ATP6V0A2: variants seen among roughly 807,000 people sequenced by gnomAD.
ATP6V0A2 encodes ATPase H+ transporting V0 subunit a2, also known as V-type proton ATPase 116 kDa subunit a 2.
In ATP6V0A2, 58 loss-of-function variants were observed where a neutral mutation model predicts 104.4. The ratio of observed to expected loss-of-function variants is 0.56; its 90% CI spans 0.45 to 0.69. ATP6V0A2 has a LOEUF of 0.69. ATP6V0A2 is among the 30% of genes least tolerant of loss of function. The pLI is 0.00. For synonymous variants in ATP6V0A2, 376 were observed against 397.9 expected (o/e 0.95, Z 0.65); for missense variants, 938 against 1,062.9 (o/e 0.88, Z 1.63).
chr12:123,740,540 G>C (rs1490145203), intron 9 of ATP6V0A2, among the ~76,000 whole-genome samples: 1 of 152,170 alleles, frequency 6.6e-6, no homozygotes, highest in Non-Finnish European at 1.5e-5. Context: ...TGGTCTTTCT[G>C]TATGTTCTTT....
At chr12:123,748,943 C>T (rs1013572222) in intron 15 of ATP6V0A2, among the ~76,000 whole-genome samples, 158 bp downstream of exon 15, 6 of 152,264 alleles carry the variant, frequency 3.9e-5, no homozygotes, top group South Asian at 4.1e-4. Context: ...CCAGCTTGAC[C>T]GCTGTGTGCA....
chr12:123,760,460 G>T lies in ATP6V0A2; in HGVS notation c.*2428G>T, dbSNP rs1417903823. The T allele has an allele frequency of 6.6e-6, 1 of 152,186 alleles. No homozygotes were observed. Among genetic ancestry groups the T allele is most frequent in the African/African-American group, 2.4e-5 (1 of 41,452 alleles). 9.4% of individuals were successfully genotyped at this position (152,186 alleles called of 1,614,324 possible). A position where few individuals can be genotyped will look rare whatever the true frequency, so the allele number is the denominator to read the frequency against. ...CCAGAGTTATCGCTCAGTTTTGTTT[G>T]TTAAGGCTTTTGCTAGAACCTATTA... On this transcript the variant is annotated 3_prime_UTR_variant, in exon 20 of 20. Transcript: ENST00000330342.
intron 14 of ATP6V0A2, among the ~76,000 whole-genome samples, chr12:123,747,942 C>T (rs1471567679): frequency 6.6e-6 from 1 of 152,104 alleles, no homozygotes; most frequent in Non-Finnish European, 1.5e-5. Context: ...AAGTGCTGTT[C>T]TAGGCACTAG....
At chr12:123,750,849 T>G in intron 15 of ATP6V0A2, 1 of 479,000 alleles carries the variant, frequency 2.1e-6, no homozygotes, top group Non-Finnish European at 3.8e-6. Flanking sequence ...TTGACTCTCT[T>G]TAGAATTTTT....
At chr12:123,714,059 T>C (rs767620014) in intron 1 of ATP6V0A2, among the ~76,000 whole-genome samples, 2 of 152,178 alleles carry the variant, frequency 1.3e-5, no homozygotes, top group Admixed American at 6.5e-5. Context: ...ACCCAAAACA[T>C]TCAGGCAACA....
rs1956803446 is a variant in ATP6V0A2, at chr12:123,760,561, G to A, written c.*2529G>A. ...AGCACAGATGGCAAGTTGTGTGGAT[G>A]ATACTGAATATGTTTATTTTCCTAA... is the stretch of plus-strand genomic sequence containing the variant. On this transcript the variant is annotated 3_prime_UTR_variant, in exon 20 of 20. Coordinates refer to ENST00000330342, the MANE Select transcript of ATP6V0A2 (RefSeq NM_012463.4). The A allele has an allele frequency of 6.6e-6, 1 of 152,000 alleles. No homozygotes were observed. The highest frequency in any genetic ancestry group is 6.5e-5 in the Admixed American group (1 of 15,274). The allele number at this position is 152,000 out of a possible 1,614,324, so 9.4% of individuals were successfully genotyped here.
intron 17 of ATP6V0A2, among the ~76,000 whole-genome samples, chr12:123,753,815 A>G (rs1566292878): frequency 6.6e-6 from 1 of 152,256 alleles, no homozygotes. Context: ...AATGTCTTAT[A>G]ATCAACATTT....
chr12:123,748,639 A>G lies in ATP6V0A2; in HGVS notation c.1789A>G (p.Ile597Val), dbSNP rs757775762. Residue 597 changes from isoleucine to valine, a missense_variant, in exon 15 of 20, where the codon ATC becomes GTC. By Grantham distance (29) the Ile-to-Val change is conservative (BLOSUM62 3). Coordinates refer to ENST00000330342, the MANE Select transcript of ATP6V0A2 (RefSeq NM_012463.4). ...SIPELLFMLC[I>V]FGYLIFMIFY... is the part of the protein sequence containing the mutation. ...CCCGGAACTTCTCTTCATGCTCTGT[A>G]TCTTTGGATACCTTATATTTATGAT... 23 of 1,613,974 alleles carry G rather than the reference A, an allele frequency of 1.4e-5. No individual in the cohort carries two copies. Among genetic ancestry groups the G allele is most frequent in the Non-Finnish European group, 1.8e-5 (21 of 1,179,988 alleles).
chr12:123,752,002 G>A (rs1477613654), intron 16 of ATP6V0A2, among the ~76,000 whole-genome samples: 1 of 151,740 alleles, frequency 6.6e-6, no homozygotes, highest in African/African-American at 2.4e-5. Flanking sequence ...GGGACTACAG[G>A]CGCCCGCCAC....
intron 6 of ATP6V0A2, chr12:123,733,679 A>T (rs1956525212): frequency 2.0e-6 from 1 of 512,444 alleles, no homozygotes; most frequent in Admixed American, 3.3e-5. Flanking sequence ...GTTGGACTTT[A>T]CCTGGGAACG....
chr12:123,740,924 A>G (rs1322685875), intron 9 of ATP6V0A2, among the ~76,000 whole-genome samples: 2 of 149,838 alleles, frequency 1.3e-5, no homozygotes, highest in Non-Finnish European at 3.0e-5. Flanking sequence ...TTAAAATCTG[A>G]TTCCTGGTGC....
chr12:123,735,065 CGAGTGGCT>C (rs1054870476), intron 7 of ATP6V0A2, among the ~76,000 whole-genome samples: 1 of 151,956 alleles, frequency 6.6e-6, no homozygotes, highest in Non-Finnish European at 1.5e-5. Context: ...GTCTGGGTGC[CGAGTGGCT>C]GAGTGGCCCT....
At chr12:123,754,297 T>C (rs968744889) in intron 17 of ATP6V0A2, 123 bp from the exon 18 acceptor site, 7 of 784,238 alleles carry the variant, frequency 8.9e-6, no homozygotes, top group Non-Finnish European at 1.6e-5. Flanking sequence ...CACTCTAGCG[T>C]GTTCTTACCA....
At chr12:123,729,458 T>TA (rs1956480185) in intron 6 of ATP6V0A2, among the ~76,000 whole-genome samples, 1 of 151,308 alleles carries the variant, frequency 6.6e-6, no homozygotes, top group African/African-American at 2.4e-5. Flanking sequence ...CACATGCACA[T>TA]ATACATTTAC....
rs968755622 is a variant in ATP6V0A2 at position 123,759,613 on chromosome 12, G to A, written c.*1581G>A. On this transcript the variant is annotated 3_prime_UTR_variant, in exon 20 of 20. Transcript: ENST00000330342. ...CTTCTTGACATTGTGAGTGATACACGTTAAAAGGCTATTTGCCCGCATCCT... is the reference window on the plus strand; with the variant it reads ...CTTCTTGACATTGTGAGTGATACACATTAAAAGGCTATTTGCCCGCATCCT... 2 of 152,194 alleles carry A rather than the reference G, an allele frequency of 1.3e-5. No homozygotes were observed. The highest frequency in any genetic ancestry group is 2.4e-5 in the African/African-American group (1 of 41,532). The allele number at this position is 152,194 out of a possible 1,614,324, so 9.4% of individuals were successfully genotyped here. A position where few individuals can be genotyped will look rare whatever the true frequency, so the allele number is the denominator to read the frequency against.
chr12:123,718,497 G>A, intron 1 of ATP6V0A2, 126 bp from the exon 2 acceptor site: 1 of 674,608 alleles, frequency 1.5e-6, no homozygotes, highest in Non-Finnish European at 2.5e-6. Context: ...AGTTGTGTCA[G>A]TTTATAGTTT....
At chr12:123,746,576 T>G (rs1956664268) in intron 13 of ATP6V0A2, among the ~76,000 whole-genome samples, 1 of 142,490 alleles carries the variant, frequency 7.0e-6, no homozygotes, top group Non-Finnish European at 1.5e-5. Context: ...AGGTCAAGGC[T>G]GCAGTGAGCC....
At chr12:123,739,267 T>G (rs1402929584) in intron 9 of ATP6V0A2, among the ~76,000 whole-genome samples, 1 of 152,192 alleles carries the variant, frequency 6.6e-6, no homozygotes, top group African/African-American at 2.4e-5. Context: ...CCGTCAAGGG[T>G]ACTGAGCTCT....
Position 123,717,314 on chromosome 12 carries a change from C to CA in ATP6V0A2, c.118-1287dup, listed in dbSNP as rs538974425. On this transcript the variant is annotated intron_variant, in intron 1 of 19. Transcript: ENST00000330342. ...TGGGCAACAGAGCGAAACTCTGTCTCAAAAAAAAAAAAAAAAAAAAAAGAG... is the reference window on the plus strand; with the variant it reads ...TGGGCAACAGAGCGAAACTCTGTCTCAAAAAAAAAAAAAAAAAAAAAAAGAG... 2.8e-3 allele frequency among the ~76,000 whole-genome samples: 298 copies of CA among 106,738 alleles called. 6 individuals are homozygous for CA. The highest frequency in any genetic ancestry group is 9.4e-3 in the Middle Eastern group (2 of 212). 70.0% of individuals were successfully genotyped at this position (106,738 alleles called of 152,430 possible).
Sources: allele counts gnomAD v4.1 joint callset (sites outside exome capture counted in the v4.1 genomes callset), GRCh38; gene constraint gnomAD v4.1.1; transcripts MANE v1.5; gene names NCBI Gene and HGNC (gene_info 2026-07-23, HGNC 2026-07-21).